The following URB2 variants were observed in gnomAD, a reference collection of about 807,000 sequenced individuals.
The protein encoded by URB2 is unhealthy ribosome biogenesis protein 2 homolog.
A neutral mutation model predicts 120.9 loss-of-function variants in URB2; 86 were observed. The observed-to-expected ratio is 0.71, with a 90% confidence interval of 0.60 to 0.85. The LOEUF is 0.85. Among genes scored for constraint, URB2 ranks in the 40% least tolerant of loss-of-function variants. The pLI, the probability that URB2 is intolerant of heterozygous loss-of-function variation, is 0.00. For missense variants in URB2, 1,765 were observed against 1,836.5 expected (o/e 0.96, Z 0.71); for synonymous variants, 755 against 758.4 (o/e 1.00, Z 0.07).
intron 4 of URB2, among the ~76,000 whole-genome samples, chr1:229,639,715 C>T (rs1399818753): frequency 6.6e-6 from 1 of 152,118 alleles, no homozygotes; most frequent in South Asian, 2.1e-4. Context: ...CCTGTCCCCC[C>T]ACCATATTAG....
chr1:229,631,956 G>A (rs1439425301), intron 2 of URB2, among the ~76,000 whole-genome samples: 1 of 152,112 alleles, frequency 6.6e-6, no homozygotes, highest in Non-Finnish European at 1.5e-5. Context: ...GTATCTACAA[G>A]GCACAATAAA....
Position 229,636,214 on chromosome 1 carries a change from A to C in URB2, c.1601A>C (p.Asp534Ala). The change falls in exon 4 of 10, where the codon GAC becomes GCC. Residue 534 changes from aspartate (D) to alanine (A), a missense_variant. Coordinates refer to ENST00000258243, the MANE Select transcript of URB2 (RefSeq NM_014777.4). ...LVLPYLQSDA[D>A]MALKSLSLSL... is the part of the protein sequence containing the mutation. ...TTGCCCTATTTGCAGAGTGATGCCG[A>C]CATGGCCCTGAAATCACTGTCACTG... 1 of 1,613,174 alleles carries C rather than the reference A, an allele frequency of 6.2e-7. No individual in the cohort carries two copies. The highest frequency in any genetic ancestry group is 8.5e-7 in the Non-Finnish European group (1 of 1,179,190).
Position 229,635,041 on chromosome 1 carries a change from A to C in URB2, c.428A>C (p.Gln143Pro). 1 of 1,614,148 alleles carries C rather than the reference A, an allele frequency of 6.2e-7. No individual in the cohort carries two copies. The highest frequency in any genetic ancestry group is 1.3e-5 in the African/African-American group (1 of 75,066). The change falls in exon 4 of 10, where the codon CAG becomes CCG. Residue 143 changes from glutamine (Q) to proline (P), a missense_variant. Gln to Pro is a moderately conservative substitution (Grantham distance 76). Transcript: ENST00000258243. The part of the protein sequence containing the change: ...PALAVIYTAK[Q>P]ELMVALLSQL... ...CTGGCTGTCATCTACACGGCCAAACAGGAGCTGATGGTGGCCTTGCTGAGC... is the reference window on the plus strand; with the variant it reads ...CTGGCTGTCATCTACACGGCCAAACCGGAGCTGATGGTGGCCTTGCTGAGC...
In URB2 at chr1:229,635,976, A is replaced by G; in HGVS notation, c.1363A>G (p.Thr455Ala). 6.2e-7 allele frequency: 1 copy of G among 1,614,178 alleles called. No individual in the cohort carries two copies. Among genetic ancestry groups the G allele is most frequent in the South Asian group, 1.1e-5 (1 of 91,086 alleles). Residue 455 changes from threonine (T) to alanine (A), a missense_variant, in exon 4 of 10, where the codon ACT becomes GCT. Coordinates refer to ENST00000258243, the MANE Select transcript of URB2 (RefSeq NM_014777.4). ...AAAAGCCCAGGAGGCGCTTATTCGT[A>G]CTGTCTTCCAGACTTATGCCAAACT... ...TKKAQEALIR[T>A]VFQTYAKLRQ...
chr1:229,647,499 T>C lies in URB2; in HGVS notation c.3907-11T>C, dbSNP rs1666172344. 1 of 1,608,962 alleles carries C rather than the reference T, an allele frequency of 6.2e-7. No homozygotes were observed. Among genetic ancestry groups the C allele is most frequent in the African/African-American group, 1.3e-5 (1 of 74,790 alleles). ...ACTTTCATTTTTCCTTTATTTTATT[T>C]TGCCCTTTAGCTCTTAAACCGAGAA... On this transcript the variant is annotated splice_polypyrimidine_tract_variant and intron_variant, in intron 6 of 9. Coordinates refer to ENST00000258243, the MANE Select transcript of URB2 (RefSeq NM_014777.4).
intron 4 of URB2, among the ~76,000 whole-genome samples, chr1:229,640,245 G>A (rs1665970485): frequency 1.3e-5 from 2 of 152,160 alleles, no homozygotes. Flanking sequence ...TATGCCATAA[G>A]CAGGGGATAG....
chr1:229,636,863 A>T lies in URB2; in HGVS notation c.2250A>T (p.Leu750Phe), dbSNP rs1214482584. 35 of 1,611,070 alleles carry T rather than the reference A, an allele frequency of 2.2e-5. No individual in the cohort carries two copies. Among genetic ancestry groups the T allele is most frequent in the Non-Finnish European group, 2.9e-5 (34 of 1,177,786 alleles). Residue 750 changes from leucine (L) to phenylalanine (F), a missense_variant, in exon 4 of 10, where the codon TTA (leucine) becomes TTT (phenylalanine). Leu to Phe is a conservative substitution (Grantham distance 22). Transcript: ENST00000258243. ...TGATTGTGTCAAATCTCACAATTTT[A>T]ATATCCTATCTGTGTCCAGATGATG... is the stretch of plus-strand genomic sequence containing the variant. ...WHLIVSNLTI[L>F]ISYLCPDDVG...
rs768252570 is a variant in URB2 at position 229,637,913 on chromosome 1, G to T, written c.3300G>T (p.Gln1100His). Residue 1100 changes from glutamine to histidine, a missense_variant, in exon 4 of 10, where the codon CAG (glutamine) becomes CAT (histidine). Coordinates refer to ENST00000258243, the MANE Select transcript of URB2 (RefSeq NM_014777.4). ...QVVLQTGAVL[Q>H]LCSVPGARGW... ...TGCTGCAGACAGGAGCTGTGCTGCA[G>T]CTCTGCTCAGTGCCGGGGGCCCGGG... The T allele has an allele frequency of 1.2e-6, 2 of 1,610,926 alleles. No individual in the cohort carries two copies. The highest frequency in any genetic ancestry group is 1.7e-6 in the Non-Finnish European group (2 of 1,178,792).
In URB2 at chr1:229,647,516, A is replaced by C; in HGVS notation, c.3913A>C (p.Asn1305His). The C allele has an allele frequency of 3.1e-6, 5 of 1,613,012 alleles. No homozygotes were observed. Among genetic ancestry groups the C allele is most frequent in the Non-Finnish European group, 4.2e-6 (5 of 1,179,176 alleles). The change falls in exon 7 of 10, where the codon AAC becomes CAC. Residue 1305 changes from asparagine (N) to histidine (H), a missense_variant. Transcript: ENST00000258243. ...ATTTTATTTTGCCCTTTAGCTCTTA[A>C]ACCGAGAAGCTTCTCAGGAGCAGCC... is the stretch of plus-strand genomic sequence containing the variant. ...PQIVTALTLL[N>H]REASQEQPVS...
At chr1:229,629,173 A>G (rs935197630) in intron 2 of URB2, among the ~76,000 whole-genome samples, 16 of 152,228 alleles carry the variant, frequency 1.1e-4, no homozygotes, top group Admixed American at 9.2e-4. Context: ...CTGTATAGAT[A>G]GGCACAGTCC....
chr1:229,627,877 T>G, intron 2 of URB2, 118 bp downstream of exon 2: 1 of 1,271,486 alleles, frequency 7.9e-7, no homozygotes, highest in Non-Finnish European at 1.1e-6. Flanking sequence ...GGGAGGGAAC[T>G]TTGTTGGAAG....
intron 4 of URB2, among the ~76,000 whole-genome samples, chr1:229,642,097 A>T (rs1666026888): frequency 6.6e-6 from 1 of 152,168 alleles, no homozygotes; most frequent in Non-Finnish European, 1.5e-5. Context: ...ATTTTGGCCT[A>T]TGTAATTAAG....
At chr1:229,628,887 G>A (rs1428487566) in intron 2 of URB2, among the ~76,000 whole-genome samples, 2 of 152,228 alleles carry the variant, frequency 1.3e-5, no homozygotes, top group Admixed American at 6.5e-5. Context: ...CGATGATGAC[G>A]TGTGGTGTGG....
intron 1 of URB2, among the ~76,000 whole-genome samples, chr1:229,627,236 A>T (rs1665515959): frequency 6.6e-6 from 1 of 152,196 alleles, no homozygotes; most frequent in Non-Finnish European, 1.5e-5. Flanking sequence ...GATATTGCTT[A>T]TGTATCTTTT....
intron 1 of URB2, among the ~76,000 whole-genome samples, chr1:229,626,583 C>G (rs1360339051): frequency 6.6e-6 from 1 of 152,260 alleles, no homozygotes; most frequent in Non-Finnish European, 1.5e-5. Flanking sequence ...CTGCTCTCCC[C>G]TGGTTCTTGT....
intron 5 of URB2, among the ~76,000 whole-genome samples, chr1:229,645,286 G>GA (rs11404382): frequency 0.24 from 34,915 of 143,964 alleles, 4,470 homozygotes; most frequent in East Asian, 0.45. Context: ...ACTCGGTCTC[G>GA]AAAAAAAAAA....
chr1:229,635,762 A>G lies in URB2; in HGVS notation c.1149A>G (p.Glu383=). Residue 383 remains glutamate (E), a synonymous_variant, in exon 4 of 10, where the codon GAA becomes GAG. Transcript: ENST00000258243. ...TCGCTGCCGACAGAATTCGGCACGA[A>G]GAGGCTCAGTTCCGCTTTTACCGCC... ...YNIAADRIRH[E]EAQFRFYRHV... 3.1e-6 allele frequency: 5 copies of G among 1,614,230 alleles called. No individual in the cohort carries two copies. Among genetic ancestry groups the G allele is most frequent in the Non-Finnish European group, 4.2e-6 (5 of 1,180,050 alleles).
chr1:229,636,550 C>G lies in URB2; in HGVS notation c.1937C>G (p.Ser646Trp). ...GCTCTGGAGATCTCGAACCTCCCTT[C>G]GTTGCTCCCAGGTGTAAAAACACAG... The part of the protein sequence containing the change: ...GVALEISNLP[S>W]LLPGVKTQHW... The change falls in exon 4 of 10, where the codon TCG becomes TGG. Residue 646 changes from serine (S) to tryptophan (W), a missense_variant. Physicochemically the swap from Ser to Trp is radical, Grantham distance 177. Coordinates refer to ENST00000258243, the MANE Select transcript of URB2 (RefSeq NM_014777.4). 6.2e-7 allele frequency: 1 copy of G among 1,614,164 alleles called. No individual in the cohort carries two copies.
At position 229,643,636 on chromosome 1, in the gene URB2, G is replaced by A. The variant is rs751575859; in HGVS notation, c.3738G>A (p.Val1246=). The A allele has an allele frequency of 1.9e-6, 3 of 1,614,246 alleles. No homozygotes were observed. Among genetic ancestry groups the A allele is most frequent in the Non-Finnish European group, 2.5e-6 (3 of 1,180,038 alleles). The change falls in exon 5 of 10, where the codon GTG becomes GTA. Residue 1246 remains valine, a synonymous_variant. Transcript: ENST00000258243. ...GGACGACAGAGGACTTGAGGCTGGT[G>A]ATGCAGTGTATTCTCCAGGGACTGG... is the stretch of plus-strand genomic sequence containing the variant. The part of the protein sequence containing the change: ...EVGTTEDLRL[V]MQCILQGLDV...
Sources: allele counts gnomAD v4.1 joint callset (sites outside exome capture counted in the v4.1 genomes callset), GRCh38; gene constraint gnomAD v4.1.1; transcripts MANE v1.5; gene names NCBI Gene and HGNC (gene_info 2026-07-23, HGNC 2026-07-21).